The following NAV2 variants were observed in gnomAD, a reference collection of about 807,000 sequenced individuals.
The protein encoded by NAV2 is helicase, APC down-regulated 1.
A neutral mutation model predicts 223.2 loss-of-function variants in NAV2; 54 were observed. The observed-to-expected ratio is 0.24, with a 90% CI of 0.19 to 0.30. The LOEUF is 0.30. NAV2 is among the 10% of genes least tolerant of loss of function. The pLI is 1.00. For synonymous variants in NAV2, 1,279 were observed against 1,239.3 expected, an observed-to-expected ratio of 1.03 and a Z score of -0.67; for missense variants, 2,806 against 3,147.5, an observed-to-expected ratio of 0.89 and a Z score of 2.60.
At chr11:19,556,800 C>G (rs2044908499) in intron 1 of NAV2, among the ~76,000 whole-genome samples, 1 of 152,130 alleles carries the variant, frequency 6.6e-6, no homozygotes, top group Non-Finnish European at 1.5e-5. Context: ...ACAAAGTTGT[C>G]TATATAGCTA....
intron 11 of NAV2, among the ~76,000 whole-genome samples, chr11:20,025,581 G>A (rs1297164515): frequency 6.6e-6 from 1 of 152,176 alleles, no homozygotes; most frequent in East Asian, 1.9e-4. Flanking sequence ...TGAAGCCAAA[G>A]GGAAAAATTT....
At chr11:19,879,543 A>T (rs2063066157) in intron 4 of NAV2, among the ~76,000 whole-genome samples, 1 of 152,170 alleles carries the variant, frequency 6.6e-6, no homozygotes, top group African/African-American at 2.4e-5. Context: ...CCCCAGTGCC[A>T]GAGTTCCTCC....
chr11:19,509,073 G>A (rs926376015), intron 1 of NAV2, among the ~76,000 whole-genome samples: 1 of 152,208 alleles, frequency 6.6e-6, no homozygotes, highest in Non-Finnish European at 1.5e-5. Context: ...CAATATAGAA[G>A]AAATTATTTG....
At chr11:19,355,214 A>G (rs1853549642) in intron 1 of NAV2, among the ~76,000 whole-genome samples, 1 of 150,500 alleles carries the variant, frequency 6.6e-6, no homozygotes, top group African/African-American at 2.4e-5. Flanking sequence ...GAGGTTTCCC[A>G]CAGCGGATGA....
chr11:19,846,468 CAG>C (rs2060817928), intron 3 of NAV2, among the ~76,000 whole-genome samples: 1 of 152,070 alleles, frequency 6.6e-6, no homozygotes, highest in African/African-American at 2.4e-5. Context: ...GGAGAAACCT[CAG>C]AACAAAGTTT....
At chr11:19,838,910 C>T (rs1167089346) in intron 2 of NAV2, among the ~76,000 whole-genome samples, 1 of 152,232 alleles carries the variant, frequency 6.6e-6, no homozygotes, top group Admixed American at 6.5e-5. Flanking sequence ...AGGTGTGAGC[C>T]ACATGCCTGG....
At chr11:19,447,585 A>C (rs1044572081) in intron 1 of NAV2, among the ~76,000 whole-genome samples, 1 of 152,244 alleles carries the variant, frequency 6.6e-6, no homozygotes, top group Non-Finnish European at 1.5e-5. Context: ...TCTAGCATTC[A>C]GTGAGCTGCT....
At chr11:19,784,438 G>A (rs995746626) in intron 1 of NAV2, among the ~76,000 whole-genome samples, 1 of 138,654 alleles carries the variant, frequency 7.2e-6, no homozygotes, top group Non-Finnish European at 1.5e-5. Context: ...TTGCAAAAGT[G>A]ACATGAATAT....
At chr11:19,491,368 C>T (rs2042621663) in intron 1 of NAV2, among the ~76,000 whole-genome samples, 1 of 152,134 alleles carries the variant, frequency 6.6e-6, no homozygotes, top group South Asian at 2.1e-4. Flanking sequence ...TTTAGTGTAC[C>T]CACCTTCATC....
At chr11:19,799,197 C>A (rs1345496805) in intron 1 of NAV2, among the ~76,000 whole-genome samples, 1 of 152,186 alleles carries the variant, frequency 6.6e-6, no homozygotes, top group African/African-American at 2.4e-5. Flanking sequence ...CGTTCTTATG[C>A]CCACATGAAT....
At chr11:19,531,026 T>C (rs1735192474) in intron 1 of NAV2, among the ~76,000 whole-genome samples, 1 of 152,240 alleles carries the variant, frequency 6.6e-6, no homozygotes. Flanking sequence ...AATATCGGTA[T>C]GTATTTCAAC....
At chr11:19,787,352 G>A (rs1315755415) in intron 1 of NAV2, among the ~76,000 whole-genome samples, 5 of 142,576 alleles carry the variant, frequency 3.5e-5, no homozygotes, top group Non-Finnish European at 7.5e-5. Context: ...CTGGGGAAAA[G>A]GGATCCTTCT....
At chr11:19,908,192 G>GCTGGCTT (rs1451007435) in intron 6 of NAV2, among the ~76,000 whole-genome samples, 3 of 152,252 alleles carry the variant, frequency 2.0e-5, no homozygotes, top group Non-Finnish European at 4.4e-5. Flanking sequence ...TAAGGTAGAG[G>GCTGGCTT]CTGGCTTCCT....
At chr11:19,446,652 G>GTGCCTGCC (rs541675739) in intron 1 of NAV2, among the ~76,000 whole-genome samples, 1 of 152,178 alleles carries the variant, frequency 6.6e-6, no homozygotes, top group South Asian at 2.1e-4. Context: ...CTCAGACGGT[G>GTGCCTGCC]TGCCTGCCTG....
chr11:19,951,780 T>C (rs969987749), intron 10 of NAV2, among the ~76,000 whole-genome samples: 3 of 152,336 alleles, frequency 2.0e-5, no homozygotes, highest in Non-Finnish European at 4.4e-5. Context: ...AAAGCACCGA[T>C]GTTTACATTT....
chr11:19,930,910 A>G (rs2045271142), intron 6 of NAV2, among the ~76,000 whole-genome samples: 1 of 152,228 alleles, frequency 6.6e-6, no homozygotes, highest in Non-Finnish European at 1.5e-5. Flanking sequence ...TGTCATGAAC[A>G]TACATAAGCT....
chr11:19,623,064 CT>C (rs1355417572), intron 1 of NAV2, among the ~76,000 whole-genome samples: 1 of 152,156 alleles, frequency 6.6e-6, no homozygotes, highest in East Asian at 1.9e-4. Flanking sequence ...GTTGAAAACT[CT>C]TTTCTTTAAG....
intron 1 of NAV2, among the ~76,000 whole-genome samples, chr11:19,363,786 A>T (rs1368015352): frequency 6.6e-6 from 1 of 152,212 alleles, no homozygotes; most frequent in African/African-American, 2.4e-5. Flanking sequence ...TTCAGGTTTG[A>T]TGATTTGCTA....
intron 1 of NAV2, among the ~76,000 whole-genome samples, chr11:19,580,896 C>T: frequency 6.6e-6 from 1 of 152,168 alleles, no homozygotes; most frequent in East Asian, 1.9e-4. Context: ...ATTTATCCTC[C>T]CACAAGAATG....
Sources: allele counts gnomAD v4.1 joint callset (sites outside exome capture counted in the v4.1 genomes callset), GRCh38; gene constraint gnomAD v4.1.1; transcripts MANE v1.5; gene names NCBI Gene and HGNC (gene_info 2026-07-23, HGNC 2026-07-21).